Variants in SMAD2 observed in about 807,000 individuals in gnomAD.
SMAD2 encodes SMAD family member 2.
In SMAD2, 8 loss-of-function variants were observed where a neutral mutation model predicts 64.4. That is an observed-to-expected ratio of 0.12 (90% CI 0.07 to 0.22). SMAD2 has a LOEUF of 0.22. Among genes scored for constraint, SMAD2 ranks in the 10% least tolerant of loss-of-function variants. The probability of loss-of-function intolerance (pLI) is 1.00; values close to 1 mark genes in which losing one functional copy is unlikely to be tolerated. For missense variants in SMAD2, 289 were observed against 561.2 expected (o/e 0.51, Z 4.90); for synonymous variants, 203 against 195.8 (o/e 1.04, Z -0.31).
intron 1 of SMAD2, among the ~76,000 whole-genome samples, chr18:47,898,124 A>G (rs1013307278): frequency 2.0e-5 from 3 of 152,240 alleles, no homozygotes; most frequent in African/African-American, 7.2e-5. Flanking sequence ...ATAATAAGGC[A>G]TCATTTCATG....
chr18:47,919,451 T>C (rs1196366475), intron 1 of SMAD2, among the ~76,000 whole-genome samples: 1 of 138,560 alleles, frequency 7.2e-6, no homozygotes, highest in Admixed American at 7.3e-5. Context: ...GAGTGTGACC[T>C]TGTCTCAAAA....
At chr18:47,856,162 T>C (rs143568481) in intron 6 of SMAD2, among the ~76,000 whole-genome samples, 4 of 151,032 alleles carry the variant, frequency 2.6e-5, no homozygotes, top group African/African-American at 9.7e-5. Flanking sequence ...TTAAGCCAAA[T>C]ACATAGAAAC....
rs149875839 is a variant in SMAD2 at position 47,865,084 on chromosome 18, T to C, written c.705A>G (p.Gln235=). The part of the protein sequence containing the change: ...YISEDGETSD[Q]QLNQSMDTGS... ...CTGTGTCCATACTTTGATTCAACTGTTGGTCACTTGTTTCTCCATCTTCAC... is the reference window on the plus strand; with the variant it reads ...CTGTGTCCATACTTTGATTCAACTGCTGGTCACTTGTTTCTCCATCTTCAC... The change falls in exon 6 of 11, where the codon CAA becomes CAG. Residue 235 remains glutamine, a synonymous_variant. Transcript: ENST00000262160. The C allele has an allele frequency of 3.7e-6, 6 of 1,609,950 alleles. No individual in the cohort carries two copies. Among genetic ancestry groups the C allele is most frequent in the African/African-American group, 2.7e-5 (2 of 74,826 alleles).
intron 2 of SMAD2, among the ~76,000 whole-genome samples, chr18:47,880,297 C>T (rs2032511458): frequency 6.6e-6 from 1 of 152,092 alleles, no homozygotes; most frequent in Admixed American, 6.6e-5. Context: ...TACAATTTAT[C>T]CAGAAATATT....
At chr18:47,870,419 AAATATACCCCCCTCCCAC>A in intron 3 of SMAD2, 38 bp downstream of exon 3, 1 of 1,337,292 alleles carries the variant, frequency 7.5e-7, no homozygotes, top group Non-Finnish European at 1.1e-6. Context: ...AGGTCTTTCA[AAATATACCCCCCTCCCAC>A]AAGATCTCTA....
chr18:47,886,599 A>ATCTATCTATCTG (rs1279497867), intron 2 of SMAD2, among the ~76,000 whole-genome samples: 1 of 151,786 alleles, frequency 6.6e-6, no homozygotes, highest in Non-Finnish European at 1.5e-5. Context: ...CTATCTATCT[A>ATCTATCTATCTG]TCTATCTATC....
chr18:47,921,107 T>C (rs534110163), intron 1 of SMAD2, among the ~76,000 whole-genome samples: 2 of 152,106 alleles, frequency 1.3e-5, no homozygotes, highest in Non-Finnish European at 2.9e-5. Context: ...CAGTGAGCTG[T>C]GATCACACCA....
chr18:47,841,357 A>G lies in SMAD2; in HGVS notation c.*470T>C. 1 of 238,548 alleles carries G rather than the reference A, an allele frequency of 4.2e-6. No individual in the cohort carries two copies. The highest frequency in any genetic ancestry group is 5.9e-5 in the East Asian group (1 of 16,844). The allele number at this position is 238,548 out of a possible 1,614,324, so 14.8% of individuals were successfully genotyped here. On this transcript the variant is annotated 3_prime_UTR_variant, in exon 11 of 11. Transcript: ENST00000262160. ...TGATATATATTATATATTAAAAAAG[A>G]CACACAAAAATAACAGAGAAGTGGG...
chr18:47,859,932 A>C (rs2031032098), intron 6 of SMAD2, among the ~76,000 whole-genome samples: 1 of 152,208 alleles, frequency 6.6e-6, no homozygotes, highest in Admixed American at 6.5e-5. Flanking sequence ...ATATCAATAC[A>C]TTCTCCAGCC....
intron 1 of SMAD2, among the ~76,000 whole-genome samples, chr18:47,912,858 CAAAAA>C (rs566813544): frequency 1.0e-4 from 6 of 59,232 alleles, no homozygotes; most frequent in East Asian, 5.7e-4. Context: ...GTATAAACAG[CAAAAA>C]AAAAAAAAAA....
intron 1 of SMAD2, among the ~76,000 whole-genome samples, chr18:47,913,585 C>T (rs1161744032): frequency 6.6e-6 from 1 of 152,128 alleles, no homozygotes; most frequent in Non-Finnish European, 1.5e-5. Context: ...AATACATCTT[C>T]AATTAGTTAA....
intron 2 of SMAD2, among the ~76,000 whole-genome samples, chr18:47,871,136 C>G (rs1241091549): frequency 1.3e-5 from 2 of 152,120 alleles, no homozygotes; most frequent in Non-Finnish European, 2.9e-5. Flanking sequence ...AAAATTTTCT[C>G]CCACATTTCT....
intron 1 of SMAD2, among the ~76,000 whole-genome samples, chr18:47,919,294 AAC>A (rs1231096847): frequency 6.6e-6 from 1 of 151,898 alleles, no homozygotes; most frequent in Admixed American, 6.6e-5. Flanking sequence ...CCCCACCCCC[AAC>A]ACACTCTCCA....
chr18:47,842,168 C>T (rs566411606), intron 10 of SMAD2, among the ~76,000 whole-genome samples: 6 of 152,242 alleles, frequency 3.9e-5, no homozygotes, highest in African/African-American at 1.2e-4. Flanking sequence ...TTTTTCTCAT[C>T]GCACTAAAAT....
At chr18:47,844,860 C>T (rs116901228) in intron 10 of SMAD2, 331 of 197,734 alleles carry the variant, frequency 1.7e-3, no homozygotes, top group Non-Finnish European at 2.9e-3. Context: ...TCCTCTTAAC[C>T]TACATCTAGT....
chr18:47,921,140 G>C (rs923040069), intron 1 of SMAD2, among the ~76,000 whole-genome samples: 17 of 152,150 alleles, frequency 1.1e-4, no homozygotes, highest in African/African-American at 3.6e-4. Context: ...CTGGGTGACA[G>C]AGTGAGACAC....
intron 1 of SMAD2, among the ~76,000 whole-genome samples, chr18:47,917,878 C>T (rs771254202): frequency 6.6e-6 from 1 of 152,086 alleles, no homozygotes; most frequent in South Asian, 2.1e-4. Flanking sequence ...AACCAGAAAC[C>T]TCATGAGGAT....
At chr18:47,879,827 T>C (rs913814781) in intron 2 of SMAD2, among the ~76,000 whole-genome samples, 1 of 152,202 alleles carries the variant, frequency 6.6e-6, no homozygotes, top group Admixed American at 6.5e-5. Flanking sequence ...CTCCTGGTTA[T>C]TCCAAAGCCT....
rs900516137 is a variant in SMAD2 at position 47,867,491 on chromosome 18, T to C, written c.655+832A>G. 8 of 152,030 alleles carry C rather than the reference T, an allele frequency of 5.3e-5. No individual in the cohort carries two copies. The East Asian group carries it at 1.4e-3, about 26-fold the overall frequency. 9.4% of individuals were successfully genotyped at this position (152,030 alleles called of 1,614,324 possible). A position where few individuals can be genotyped will look rare whatever the true frequency, so the allele number is the denominator to read the frequency against. On this transcript the variant is annotated intron_variant, in intron 5 of 10. Transcript: ENST00000262160. ...TCTTAAGTTCCTTACATATTTTTAGTGTATAAAATAAGAGTGGAATAAAAG... is the reference window on the plus strand; with the variant it reads ...TCTTAAGTTCCTTACATATTTTTAGCGTATAAAATAAGAGTGGAATAAAAG...
Sources: gnomAD v4.1 joint callset for allele counts (sites outside exome capture counted in the v4.1 genomes callset) on GRCh38, gnomAD v4.1.1 for gene constraint, MANE v1.5 for transcripts, NCBI Gene and HGNC (gene_info 2026-07-23, HGNC 2026-07-21) for gene names.